RELN: variants seen among roughly 807,000 people sequenced by gnomAD.
The protein encoded by RELN is reelin.
Under a neutral mutation model 427.6 loss-of-function variants are expected in RELN, and 108 were observed. That is an observed-to-expected ratio of 0.25 (90% CI 0.22 to 0.30). The LOEUF is 0.30. Among genes scored for constraint, RELN ranks in the 10% least tolerant of loss-of-function variants. The pLI, the probability that RELN is intolerant of heterozygous loss-of-function variation, is 1.00. For missense variants in RELN, 3,715 were observed against 4,302.8 expected (o/e 0.86, Z 3.82); for synonymous variants, 1,524 against 1,513.4 (o/e 1.01, Z -0.16).
rs1054140290 is a variant in RELN, at chr7:103,495,914, G to C, written c.9194-16C>G. The C allele has an allele frequency of 6.2e-7, 1 of 1,613,238 alleles. No homozygotes were observed. The highest frequency in any genetic ancestry group is 8.5e-7 in the Non-Finnish European group (1 of 1,179,532). Reference sequence around the variant, plus strand: ...GAAGTGCCTTCTGTTAAGGAAAATTGGAAGCAATATGGCATATTATTCTCT... The same window carrying C: ...GAAGTGCCTTCTGTTAAGGAAAATTCGAAGCAATATGGCATATTATTCTCT... On this transcript the variant is annotated splice_polypyrimidine_tract_variant and intron_variant, in intron 56 of 64. Coordinates refer to ENST00000428762, the MANE Select transcript of RELN (RefSeq NM_005045.4).
At chr7:103,839,198 A>C (rs1218057987) in intron 2 of RELN, among the ~76,000 whole-genome samples, 1 of 152,152 alleles carries the variant, frequency 6.6e-6, no homozygotes, top group Non-Finnish European at 1.5e-5. Context: ...GTAGTAACAC[A>C]AAATAACCTA....
In RELN at chr7:103,553,649, T is replaced by G; in HGVS notation, c.5969+11A>C. ...CAGCAGTGGTTTTATTTTTAGATTC[T>G]TAATACTTACGGTGCCCCCTTTGAA... On this transcript the variant is annotated intron_variant, in intron 39 of 64. Transcript: ENST00000428762. 6.2e-7 allele frequency: 1 copy of G among 1,613,958 alleles called. No homozygotes were observed. The highest frequency in any genetic ancestry group is 8.5e-7 in the Non-Finnish European group (1 of 1,179,882).
chr7:103,918,754 G>A (rs943000810), intron 1 of RELN, among the ~76,000 whole-genome samples: 4 of 152,032 alleles, frequency 2.6e-5, no homozygotes, highest in African/African-American at 7.2e-5. Flanking sequence ...TACATCAGAT[G>A]AGCCCCACTT....
At chr7:103,766,212 G>A (rs1365744241) in intron 4 of RELN, among the ~76,000 whole-genome samples, 2 of 152,124 alleles carry the variant, frequency 1.3e-5, no homozygotes, top group Non-Finnish European at 2.9e-5. Context: ...ACAAAGCCTA[G>A]GGATGTCATG....
Position 103,587,927 on chromosome 7 carries a change from T to C in RELN, c.4145+1669A>G, listed in dbSNP as rs141341549. On this transcript the variant is annotated intron_variant, in intron 28 of 64. Transcript: ENST00000428762. ...ATATGAAGAAAAGGGAACTCTTATA[T>C]ACTGTTGGTGGGAATGTAAACTAGT... Among the ~76,000 whole-genome samples, 539 of 152,236 alleles carry C rather than the reference T, an allele frequency of 3.5e-3. 22 individuals carry two copies. The East Asian group carries it at 0.091, about 26-fold the overall frequency.
intron 24 of RELN, among the ~76,000 whole-genome samples, chr7:103,596,943 T>A (rs909257940): frequency 1.4e-4 from 22 of 152,288 alleles, no homozygotes; most frequent in African/African-American, 4.3e-4. Flanking sequence ...AAAAGCTTTT[T>A]AAAATTTTAA....
chr7:103,905,805 T>C (rs1563082105), intron 2 of RELN, among the ~76,000 whole-genome samples: 1 of 152,108 alleles, frequency 6.6e-6, no homozygotes, highest in African/African-American at 2.4e-5. Flanking sequence ...TAGAGGTGAC[T>C]GGTGGAGGTC....
rs73180107 is a variant in RELN, at chr7:103,748,041, G to T, written c.656+1385C>A. On this transcript the variant is annotated intron_variant, in intron 6 of 64. Coordinates refer to ENST00000428762, the MANE Select transcript of RELN (RefSeq NM_005045.4). ...TCACAGAAATGAATTTGCCCTGAAA[G>T]AAACAAATCATATGATAACATCTAT... is the stretch of plus-strand genomic sequence containing the variant. Among the ~76,000 whole-genome samples, 788 of 148,918 alleles carry T rather than the reference G, an allele frequency of 5.3e-3. 4 individuals carry two copies. Among genetic ancestry groups the T allele is most frequent in the Non-Finnish European group, 9.2e-3 (620 of 67,450 alleles).
At chr7:103,651,908 T>C in intron 14 of RELN, 119 bp from the exon 15 acceptor site, 1 of 1,043,120 alleles carries the variant, frequency 9.6e-7, no homozygotes, top group African/African-American at 1.6e-5. Context: ...TAAAATTTTT[T>C]AAAGATGCTG....
At chr7:103,627,507 T>A (rs369602427) in intron 20 of RELN, among the ~76,000 whole-genome samples, 1 of 152,088 alleles carries the variant, frequency 6.6e-6, no homozygotes, top group African/African-American at 2.4e-5. Flanking sequence ...TAGGAACAGT[T>A]TGAGATCTTC....
intron 28 of RELN, among the ~76,000 whole-genome samples, chr7:103,577,175 TG>T (rs2117211994): frequency 6.6e-6 from 1 of 152,334 alleles, no homozygotes; most frequent in Non-Finnish European, 1.5e-5. Flanking sequence ...TAAGGACAAC[TG>T]TAGATAAAGA....
At chr7:103,878,342 A>C (rs925156218) in intron 2 of RELN, among the ~76,000 whole-genome samples, 2 of 152,198 alleles carry the variant, frequency 1.3e-5, no homozygotes, top group African/African-American at 4.8e-5. Context: ...TGACTTAGTC[A>C]ACATTGTATC....
chr7:103,934,986 G>A (rs995295419), intron 1 of RELN, among the ~76,000 whole-genome samples: 17 of 152,152 alleles, frequency 1.1e-4, no homozygotes, highest in African/African-American at 3.6e-4. Flanking sequence ...CAAAGCCAAA[G>A]ACATCTCCAA....
Position 103,742,756 on chromosome 7 carries a change from G to C in RELN, c.656+6670C>G, listed in dbSNP as rs565483623. On this transcript the variant is annotated intron_variant, in intron 6 of 64. Transcript: ENST00000428762. ...CGAACAAATCCTCTAAGAAATATGG[G>C]ACTATGTGAAAAGACCAAATCTACG... Among the ~76,000 whole-genome samples, 5 of 152,316 alleles carry C rather than the reference G, an allele frequency of 3.3e-5. No individual in the cohort carries two copies. The South Asian group carries it at 1.0e-3, about 32-fold the overall frequency.
chr7:103,657,810 C>T (rs1182039663), intron 12 of RELN, among the ~76,000 whole-genome samples: 2 of 152,078 alleles, frequency 1.3e-5, no homozygotes, highest in African/African-American at 4.8e-5. Flanking sequence ...CCTTTGGCAC[C>T]TTGTGGAAAG....
chr7:103,731,596 C>T (rs1040002985), intron 6 of RELN, among the ~76,000 whole-genome samples: 5 of 152,072 alleles, frequency 3.3e-5, no homozygotes, highest in African/African-American at 4.8e-5. Flanking sequence ...GAGTCAAACT[C>T]TAATTATTTT....
At chr7:103,683,302 T>C (rs1353084142) in intron 10 of RELN, among the ~76,000 whole-genome samples, 1 of 152,124 alleles carries the variant, frequency 6.6e-6, no homozygotes, top group Non-Finnish European at 1.5e-5. Context: ...GCCTGGCATA[T>C]AGCAGGCATT....
chr7:103,856,296 G>A (rs1793941961), intron 2 of RELN, among the ~76,000 whole-genome samples: 1 of 151,970 alleles, frequency 6.6e-6, no homozygotes, highest in Non-Finnish European at 1.5e-5. Context: ...AGCAAATATG[G>A]GCTGGGCGCG....
intron 28 of RELN, among the ~76,000 whole-genome samples, chr7:103,579,091 T>C (rs905351319): frequency 1.3e-5 from 2 of 152,158 alleles, no homozygotes; most frequent in Admixed American, 6.5e-5. Flanking sequence ...AACCCAGACA[T>C]GGTTCCTGCC....
Sources: allele counts gnomAD v4.1 joint callset (sites outside exome capture counted in the v4.1 genomes callset), GRCh38; gene constraint gnomAD v4.1.1; transcripts MANE v1.5; gene names NCBI Gene and HGNC (gene_info 2026-07-23, HGNC 2026-07-21).